Variants in VCAM1 observed in about 807,000 individuals in gnomAD.
VCAM1 encodes vascular cell adhesion molecule 1.
In VCAM1, 41 loss-of-function variants were observed where a neutral mutation model predicts 63.8. The ratio of observed to expected loss-of-function variants is 0.64; its 90% CI spans 0.50 to 0.83. The LOEUF (loss-of-function observed/expected upper bound fraction) is 0.83. Among genes scored for constraint, VCAM1 ranks in the 40% least tolerant of loss-of-function variants. The probability of loss-of-function intolerance (pLI) is 0.00; values close to 1 mark genes in which losing one functional copy is unlikely to be tolerated. For missense variants in VCAM1, 798 were observed against 875.5 expected, an observed-to-expected ratio of 0.91 and a Z score of 1.12; for synonymous variants, 338 against 320.7, an observed-to-expected ratio of 1.05 and a Z score of -0.58.
rs1325177780 is a variant in VCAM1 at position 100,731,873 on chromosome 1, G to T, written c.1525+355G>T. On this transcript the variant is annotated intron_variant, in intron 6 of 8. Transcript: ENST00000294728. This position sits in a 1 kb window ranked among gnomAD's most constrained non-coding sequence, Gnocchi z 4.2. ...CTGGAGCCATATCTTGGATGACTTG[G>T]CCTCTCTTTCTTTATGTGGTGTCAC... Among the ~76,000 whole-genome samples, 1 of 152,086 alleles carries T rather than the reference G, an allele frequency of 6.6e-6. No homozygotes were observed. Among genetic ancestry groups the T allele is most frequent in the African/African-American group, 2.4e-5 (1 of 41,406 alleles).
chr1:100,727,043 C>CTGTG (rs57979614), intron 4 of VCAM1, among the ~76,000 whole-genome samples: 4,494 of 147,772 alleles, frequency 0.03, 104 homozygotes, highest in African/African-American at 0.06. Flanking sequence ...ATCAGGAATT[C>CTGTG]TGTGTGTGTG....
chr1:100,729,286 C>G lies in VCAM1; in HGVS notation c.1108C>G (p.Leu370Val), dbSNP rs750043243. The change falls in exon 5 of 9, where the codon CTG becomes GTG. Residue 370 changes from leucine to valine, a missense_variant. Physicochemically the swap from Leu to Val is conservative, Grantham distance 32. Transcript: ENST00000294728. ...TGAGGGGACCAATTCCACGCTGACC[C>G]TGAGCCCTGTGAGTTTTGAGAACGA... is the stretch of plus-strand genomic sequence containing the variant. ...RSEGTNSTLT[L>V]SPVSFENEHS... 8.1e-6 allele frequency: 13 copies of G among 1,613,562 alleles called. No homozygotes were observed. In the South Asian group the frequency reaches 1.4e-4, roughly 18 times the overall value.
chr1:100,723,761 A>ATG (rs904063369), intron 3 of VCAM1, among the ~76,000 whole-genome samples: 39 of 151,886 alleles, frequency 2.6e-4, no homozygotes, highest in African/African-American at 8.2e-4. Flanking sequence ...CTGTGTGTGT[A>ATG]TGTGTGTGTG....
chr1:100,723,795 A>T (rs1660056828), intron 3 of VCAM1, among the ~76,000 whole-genome samples: 1 of 152,038 alleles, frequency 6.6e-6, no homozygotes, highest in East Asian at 1.9e-4. Flanking sequence ...ACATACATAC[A>T]TAGGTGCACT....
chr1:100,734,136 C>G (rs559694714), intron 7 of VCAM1, among the ~76,000 whole-genome samples: 70 of 152,292 alleles, frequency 4.6e-4, no homozygotes, highest in African/African-American at 1.6e-3. Context: ...ATGGGGGAAA[C>G]AGCCCCCATG....
Position 100,723,014 on chromosome 1 carries a change from T to C in VCAM1, c.341-6T>C, listed in dbSNP as rs1286343159. On this transcript the variant is annotated splice_polypyrimidine_tract_variant and splice_region_variant and intron_variant, in intron 2 of 8. Transcript: ENST00000294728. The stretch of plus-strand genomic sequence containing the variant: ...GCCCATCCATGTATTTGTTTGGCCT[T>C]TTCAGCTTTTCCTAAGGATCCAGAG... 6.2e-7 allele frequency: 1 copy of C among 1,604,062 alleles called. No homozygotes were observed. Among genetic ancestry groups the C allele is most frequent in the Non-Finnish European group, 8.5e-7 (1 of 1,175,920 alleles).
At chr1:100,734,044 G>A (rs975498369) in intron 7 of VCAM1, among the ~76,000 whole-genome samples, 6 of 152,216 alleles carry the variant, frequency 3.9e-5, no homozygotes, top group Middle Eastern at 3.4e-3. Flanking sequence ...TTAACATGGC[G>A]GCAGGCAAGA....
chr1:100,726,805 C>T (rs943088957), intron 4 of VCAM1, among the ~76,000 whole-genome samples: 4 of 151,996 alleles, frequency 2.6e-5, no homozygotes, highest in African/African-American at 7.2e-5. Flanking sequence ...AAATAGGTAA[C>T]GCAAATATTC....
rs144964068 is a variant in VCAM1 at position 100,734,698 on chromosome 1, G to A, written c.1989G>A (p.Ala663=). 18 of 1,613,860 alleles carry A rather than the reference G, an allele frequency of 1.1e-5. No individual in the cohort carries two copies. Among genetic ancestry groups the A allele is most frequent in the Middle Eastern group, 1.6e-4 (1 of 6,084 alleles). The part of the protein sequence containing the change: ...YTIRKAQLKD[A]GVYECESKNK... The stretch of plus-strand genomic sequence containing the variant: ...TCCGAAAGGCCCAGTTGAAGGATGC[G>A]GGAGTATATGAATGTGAATCTAAAA... Residue 663 remains alanine, a synonymous_variant, in exon 8 of 9, where the codon GCG becomes GCA. Coordinates refer to ENST00000294728, the MANE Select transcript of VCAM1 (RefSeq NM_001078.4).
intron 2 of VCAM1, among the ~76,000 whole-genome samples, chr1:100,721,199 C>A (rs1659939085): frequency 6.6e-6 from 1 of 152,004 alleles, no homozygotes; most frequent in Non-Finnish European, 1.5e-5. Context: ...TTAAGTAGAT[C>A]TATAATTAGT....
chr1:100,735,689 G>A (rs547635377), intron 8 of VCAM1: 1 of 152,160 alleles, frequency 6.6e-6, no homozygotes, highest in Non-Finnish European at 1.5e-5. Context: ...CTTACCGTAT[G>A]TATGTTTTCC....
chr1:100,729,387 G>A lies in VCAM1; in HGVS notation c.1204+5G>A. ...GAATCCAGGTGGAGCTCTACTGTAA[G>A]TGGTTTTCAGAATTGTTTACTGTTT... On this transcript the variant is annotated splice_donor_5th_base_variant and intron_variant, in intron 5 of 8. Transcript: ENST00000294728. The A allele has an allele frequency of 6.4e-7, 1 of 1,554,906 alleles. No homozygotes were observed. The highest frequency in any genetic ancestry group is 8.7e-7 in the Non-Finnish European group (1 of 1,153,542).
intron 4 of VCAM1, among the ~76,000 whole-genome samples, chr1:100,728,558 G>A (rs1333710255): frequency 1.3e-5 from 2 of 151,856 alleles, no homozygotes; most frequent in African/African-American, 2.4e-5. Context: ...TTTGCTACTT[G>A]CAAACTGGGC....
chr1:100,735,461 A>G (rs980708276), intron 8 of VCAM1: 7 of 152,286 alleles, frequency 4.6e-5, no homozygotes, highest in Admixed American at 2.0e-4. Context: ...GCTGATCAGT[A>G]TCACACCCCT....
chr1:100,721,399 T>C (rs948896003), intron 2 of VCAM1, among the ~76,000 whole-genome samples: 10 of 152,026 alleles, frequency 6.6e-5, no homozygotes, highest in African/African-American at 2.4e-4. Flanking sequence ...CTCATGAAAG[T>C]GAGTGGATGT....
chr1:100,723,480 G>T, intron 3 of VCAM1, 140 bp downstream of exon 3: 1 of 903,502 alleles, frequency 1.1e-6, no homozygotes, highest in Admixed American at 2.9e-5. Context: ...ACAACATAAT[G>T]TTTGTCAATA....
chr1:100,729,620 T>C (rs1245210395), intron 5 of VCAM1, among the ~76,000 whole-genome samples: 1 of 152,138 alleles, frequency 6.6e-6, no homozygotes, highest in East Asian at 1.9e-4. Flanking sequence ...TTGTCAATAC[T>C]CTCTCATCAT....
rs62638734 is a variant in VCAM1, at chr1:100,720,593, C to T, written c.182C>T (p.Thr61Ile). 28 of 1,613,070 alleles carry T rather than the reference C, an allele frequency of 1.7e-5. No homozygotes were observed. Among genetic ancestry groups the T allele is most frequent in the Non-Finnish European group, 2.2e-5 (26 of 1,179,516 alleles). ...GAGTCCCCATTTTTCTCTTGGAGAACCCAGATAGATAGTCCACTGAATGGG... is the reference window on the plus strand; with the variant it reads ...GAGTCCCCATTTTTCTCTTGGAGAATCCAGATAGATAGTCCACTGAATGGG... ...GCESPFFSWR[T>I]QIDSPLNGKV... is the part of the protein sequence containing the mutation. The change falls in exon 2 of 9, where the codon ACC becomes ATC. Residue 61 changes from threonine to isoleucine, a missense_variant. Thr to Ile is a moderately conservative substitution (Grantham distance 89). Transcript: ENST00000294728.
chr1:100,736,393 T>G (rs955689046), intron 8 of VCAM1: 4 of 152,212 alleles, frequency 2.6e-5, no homozygotes, highest in Non-Finnish European at 4.4e-5. Flanking sequence ...ATTTTTTATT[T>G]GTTTCATTTT....
Sources: allele counts gnomAD v4.1 joint callset (sites outside exome capture counted in the v4.1 genomes callset), GRCh38; gene constraint gnomAD v4.1.1; non-coding constraint Gnocchi (gnomAD v3.1); transcripts MANE v1.5; gene names NCBI Gene and HGNC (gene_info 2026-07-23, HGNC 2026-07-21).